SMCHD1: variants seen among roughly 807,000 people sequenced by gnomAD.
The protein encoded by SMCHD1 is structural maintenance of chromosomes flexible hinge domain-containing protein 1.
Under a neutral mutation model 254.7 loss-of-function variants are expected in SMCHD1, and 78 were observed. The ratio of observed to expected loss-of-function variants is 0.31; its 90% confidence interval spans 0.26 to 0.37. The LOEUF (loss-of-function observed/expected upper bound fraction) is 0.37. SMCHD1 is among the 10% of genes least tolerant of loss of function. SMCHD1 has a pLI of 1.00. For missense variants in SMCHD1, 1,840 were observed against 2,408.1 expected (o/e 0.76, Z 4.94); for synonymous variants, 766 against 794.9 (o/e 0.96, Z 0.61).
At chr18:2,776,645 A>G (rs1328530729) in intron 42 of SMCHD1, among the ~76,000 whole-genome samples, 1 of 152,214 alleles carries the variant, frequency 6.6e-6, no homozygotes, top group East Asian at 1.9e-4. Context: ...TCAGATTACT[A>G]AACAAAGCTT....
At chr18:2,692,686 G>A (rs1283419597) in intron 7 of SMCHD1, among the ~76,000 whole-genome samples, 2 of 151,978 alleles carry the variant, frequency 1.3e-5, no homozygotes, top group African/African-American at 4.8e-5. Flanking sequence ...GTTCTCATTT[G>A]TCTGGAATGT....
chr18:2,708,618 T>A (rs573103802), intron 17 of SMCHD1, among the ~76,000 whole-genome samples: 1 of 1,360 alleles, frequency 7.4e-4, no homozygotes, highest in African/African-American at 8.0e-4. Context: ...ACCTTCCTGC[T>A]TTTTTTTTTT....
chr18:2,740,715 C>A lies in SMCHD1; in HGVS notation c.3527C>A (p.Thr1176Lys). Reference sequence around the variant, plus strand: ...CCCCCTTTTTTAGTTATAATAATTACAGATCAGTACGGAAATCAGATTCAA... The same window carrying A: ...CCCCCTTTTTTAGTTATAATAATTAAAGATCAGTACGGAAATCAGATTCAA... ...ELQGEVVIII[T>K]DQYGNQIQAF... The change falls in exon 28 of 48, where the codon ACA becomes AAA. Residue 1176 changes from threonine (T) to lysine (K), a missense_variant. This residue lies in a region of SMCHD1 where 881 missense variants were observed against 1,009.5 expected (regional missense o/e 0.87). Coordinates refer to ENST00000320876, the MANE Select transcript of SMCHD1 (RefSeq NM_015295.3). 6.3e-7 allele frequency: 1 copy of A among 1,579,158 alleles called. No individual in the cohort carries two copies.
rs532306690 is a variant in SMCHD1, at chr18:2,770,833, C to A, written c.4967-700C>A. Reference sequence around the variant, plus strand: ...ACGGGGTTTCACCATGTTGGCCGGGCTGGTCTCGAACTTCTTACCTCAAGT... The same window carrying A: ...ACGGGGTTTCACCATGTTGGCCGGGATGGTCTCGAACTTCTTACCTCAAGT... On this transcript the variant is annotated intron_variant, in intron 39 of 47. Transcript: ENST00000320876. 3.4e-3 allele frequency among the ~76,000 whole-genome samples: 515 copies of A among 152,102 alleles called. 2 individuals carry two copies. Among genetic ancestry groups the A allele is most frequent in the Admixed American group, 5.6e-3 (85 of 15,278 alleles).
At chr18:2,658,622 C>CT (rs2073143686) in intron 1 of SMCHD1, among the ~76,000 whole-genome samples, 1 of 152,064 alleles carries the variant, frequency 6.6e-6, no homozygotes. Context: ...GCTGAGAAGG[C>CT]TAACTTTTTT....
At chr18:2,739,131 T>C (rs1394113347) in intron 26 of SMCHD1, among the ~76,000 whole-genome samples, 1 of 152,204 alleles carries the variant, frequency 6.6e-6, no homozygotes, top group African/African-American at 2.4e-5. Flanking sequence ...ATGAGATCTC[T>C]CAATGAGTTG....
chr18:2,660,216 C>A (rs563809500), intron 1 of SMCHD1, among the ~76,000 whole-genome samples: 1 of 152,080 alleles, frequency 6.6e-6, no homozygotes, highest in African/African-American at 2.4e-5. Flanking sequence ...CCCAGCTACT[C>A]GAGAGGCTGA....
rs548397345 is a variant in SMCHD1, at chr18:2,724,901, G to A, written c.2606G>A (p.Gly869Asp). Residue 869 changes from glycine to aspartate, a missense_variant and splice_region_variant, in exon 21 of 48, where the codon GGT (glycine) becomes GAT (aspartate). By Grantham distance (94) the Gly-to-Asp change is moderately conservative. Coordinates refer to ENST00000320876, the MANE Select transcript of SMCHD1 (RefSeq NM_015295.3). The part of the protein sequence containing the change: ...TDIQPVLEAS[G>D]LSLHYEEITK... ...AAAAAATAATTTTTTTTCCCCAGTG[G>A]TTTATCTTTACATTATGAAGAAATA... The A allele has an allele frequency of 1.3e-6, 2 of 1,561,000 alleles. No homozygotes were observed. Among genetic ancestry groups the A allele is most frequent in the South Asian group, 1.2e-5 (1 of 83,936 alleles).
intron 3 of SMCHD1, among the ~76,000 whole-genome samples, chr18:2,671,136 A>G (rs2073587191): frequency 6.6e-6 from 1 of 151,408 alleles, no homozygotes; most frequent in Non-Finnish European, 1.5e-5. Context: ...GGGTTTCTCC[A>G]TGTTGGTCAG....
intron 47 of SMCHD1, among the ~76,000 whole-genome samples, chr18:2,798,032 A>G (rs1161074896): frequency 6.6e-6 from 1 of 152,238 alleles, no homozygotes; most frequent in Non-Finnish European, 1.5e-5. Context: ...AAGGATGGGA[A>G]GGAACCAGCC....
Position 2,742,337 on chromosome 18 carries a change from A to G in SMCHD1, c.3634-1424A>G, listed in dbSNP as rs541211191. 1.8e-4 allele frequency among the ~76,000 whole-genome samples: 28 copies of G among 152,314 alleles called. No individual in the cohort carries two copies. In the East Asian group the frequency reaches 2.3e-3, roughly 13 times the overall value. ...TTAATTCTGTTTGTACCCATCTACA[A>G]TTTGTAAATGCAATTTCATTTCTAA... On this transcript the variant is annotated intron_variant, in intron 28 of 47. Transcript: ENST00000320876.
rs372694951 is a variant in SMCHD1 at position 2,685,094 on chromosome 18, A to ATTTTTTTTTTTTTTTTTTTT, written c.639-3293_639-3292insTTTTTTTTTTTTTTTTTTTT. ...AGCACACTGTTCTGTTCTGTCCCTT[A>ATTTTTTTTTTTTTTTTTTTT]TTTTTTTCTTTTTTTTTTTTTTTTG... On this transcript the variant is annotated intron_variant, in intron 5 of 47. Coordinates refer to ENST00000320876, the MANE Select transcript of SMCHD1 (RefSeq NM_015295.3). Among the ~76,000 whole-genome samples, 7 of 81,880 alleles carry ATTTTTTTTTTTTTTTTTTTT rather than the reference A, an allele frequency of 8.5e-5. 3 individuals are homozygous for ATTTTTTTTTTTTTTTTTTTT. Among genetic ancestry groups the ATTTTTTTTTTTTTTTTTTTT allele is most frequent in the African/African-American group, 1.0e-4 (2 of 19,674 alleles). 53.7% of individuals were successfully genotyped at this position (81,880 alleles called of 152,430 possible). A position where few individuals can be genotyped will look rare whatever the true frequency, so the allele number is the denominator to read the frequency against.
At chr18:2,772,737 C>A (rs1260555919) in intron 41 of SMCHD1, among the ~76,000 whole-genome samples, 1 of 152,178 alleles carries the variant, frequency 6.6e-6, no homozygotes, top group Non-Finnish European at 1.5e-5. Flanking sequence ...CTCAAGTGAT[C>A]CTTCTGCCTC....
At position 2,666,915 on chromosome 18, in the gene SMCHD1, T is replaced by C. The variant is rs1286123473; in HGVS notation, c.308T>C (p.Val103Ala). 1 of 1,613,228 alleles carries C rather than the reference T, an allele frequency of 6.2e-7. No individual in the cohort carries two copies. The highest frequency in any genetic ancestry group is 8.5e-7 in the Non-Finnish European group (1 of 1,179,542). The change falls in exon 3 of 48, where the codon GTC becomes GCC. Residue 103 changes from valine (V) to alanine (A), a missense_variant. By Grantham distance (64) the Val-to-Ala change is moderately conservative. This residue lies in a region of SMCHD1 where 37 missense variants were observed against 54.2 expected (regional missense o/e 0.68). Transcript: ENST00000320876. ...DGVTLYLLQS[V>A]NQLLLTATKE... is the part of the protein sequence containing the mutation. ...GTCACCTTATACCTGCTACAGTCGG[T>C]CAATCAGTTACTACTGACAGCTACG...
intron 19 of SMCHD1, 119 bp from the exon 20 acceptor site, chr18:2,722,400 T>C: frequency 2.4e-6 from 2 of 821,722 alleles, no homozygotes; most frequent in East Asian, 5.3e-5. Context: ...ATGTTATTTT[T>C]AGCATAGTCT....
chr18:2,721,148 T>A (rs1174413625), intron 19 of SMCHD1, among the ~76,000 whole-genome samples: 1 of 152,226 alleles, frequency 6.6e-6, no homozygotes, highest in East Asian at 1.9e-4. Flanking sequence ...GGGCGTCTGA[T>A]AACGGTGAAT....
At chr18:2,757,877 G>GATT (rs750198706) in intron 34 of SMCHD1, among the ~76,000 whole-genome samples, 2 of 151,912 alleles carry the variant, frequency 1.3e-5, no homozygotes, top group Non-Finnish European at 2.9e-5. Context: ...TACAGACTTA[G>GATT]ATTATTATTA....
intron 30 of SMCHD1, among the ~76,000 whole-genome samples, chr18:2,748,380 G>GTGTGTGTGTGTGTGTGTGTGTGTATA (rs561439889): frequency 1.2e-5 from 1 of 80,248 alleles, no homozygotes; most frequent in African/African-American, 6.9e-5. Context: ...GTGTGTGTGT[G>GTGTGTGTGTGTGTGTGTGTGTGTATA]TGTATATAAA....
Position 2,655,839 on chromosome 18 carries a change from G to T in SMCHD1, c.-237G>T. 2.9e-6 allele frequency: 1 copy of T among 347,068 alleles called. No homozygotes were observed. Among genetic ancestry groups the T allele is most frequent in the Non-Finnish European group, 5.2e-6 (1 of 193,106 alleles). 21.5% of individuals were successfully genotyped at this position (347,068 alleles called of 1,614,324 possible). A position where few individuals can be genotyped will look rare whatever the true frequency, so the allele number is the denominator to read the frequency against. On this transcript the variant is annotated 5_prime_UTR_variant, in exon 1 of 48. Transcript: ENST00000320876. ...GCGCCGCGCGTCCCCTTCTCCTCAG[G>T]AGTGGCGGGCCGCGGAAGTGACGTG...
Sources: gnomAD v4.1 joint callset for allele counts (sites outside exome capture counted in the v4.1 genomes callset) on GRCh38, gnomAD v4.1.1 for gene constraint, gnomAD v4.1.1 regional missense constraint, MANE v1.5 for transcripts, NCBI Gene and HGNC (gene_info 2026-07-23, HGNC 2026-07-21) for gene names.